Variants in NUDT3 observed in about 807,000 individuals in gnomAD.
The protein encoded by NUDT3 is diphosphoinositol polyphosphate phosphohydrolase 1.
NUDT3 carries 9 observed loss-of-function variants against 23.6 expected under a neutral mutation model. The observed-to-expected ratio is 0.38, with a 90% CI of 0.23 to 0.66. NUDT3 has a LOEUF of 0.66. NUDT3 is among the 30% of genes least tolerant of loss of function. The pLI is 0.52. For missense variants in NUDT3, 172 were observed against 218.5 expected (o/e 0.79, Z 1.34); for synonymous variants, 86 against 82.6 (o/e 1.04, Z -0.22).
At chr6:34,297,760 A>ATATT (rs1763535832) in intron 2 of NUDT3, among the ~76,000 whole-genome samples, 7 of 53,654 alleles carry the variant, frequency 1.3e-4, no homozygotes, top group African/African-American at 6.4e-4. Flanking sequence ...TATATATATA[A>ATATT]TTTTTTTTTT....
intron 1 of NUDT3, among the ~76,000 whole-genome samples, chr6:34,383,126 C>CA (rs557348971): frequency 0.023 from 1,488 of 64,576 alleles, 12 homozygotes; most frequent in African/African-American, 0.045. Context: ...GACTCCATCT[C>CA]AAAAAAAAAA....
intron 2 of NUDT3, among the ~76,000 whole-genome samples, chr6:34,320,519 G>A (rs761519459): frequency 6.6e-6 from 1 of 152,208 alleles, no homozygotes; most frequent in Middle Eastern, 3.4e-3. Flanking sequence ...ACTGCACCCA[G>A]CCTACTTTTC....
intron 2 of NUDT3, among the ~76,000 whole-genome samples, chr6:34,325,168 A>AC (rs1764005879): frequency 6.6e-6 from 1 of 152,214 alleles, no homozygotes; most frequent in Non-Finnish European, 1.5e-5. Flanking sequence ...AAACTGCCTC[A>AC]CACCACCTTC....
intron 1 of NUDT3, among the ~76,000 whole-genome samples, chr6:34,359,034 G>A (rs1329447835): frequency 1.3e-5 from 2 of 152,148 alleles, no homozygotes; most frequent in Non-Finnish European, 2.9e-5. Flanking sequence ...AAGATAAGGA[G>A]TTATCACAAT....
intron 1 of NUDT3, among the ~76,000 whole-genome samples, chr6:34,347,061 G>A (rs926143528): frequency 1.2e-4 from 19 of 152,246 alleles, no homozygotes; most frequent in African/African-American, 4.3e-4. Flanking sequence ...GAGCCACTGT[G>A]CCCACCCACA....
At chr6:34,345,441 A>G in intron 1 of NUDT3, among the ~76,000 whole-genome samples, 1 of 151,570 alleles carries the variant, frequency 6.6e-6, no homozygotes, top group East Asian at 2.0e-4. Flanking sequence ...AGGCGGGCAG[A>G]TCACAAGGTC....
At chr6:34,319,001 A>T (rs1404156248) in intron 2 of NUDT3, among the ~76,000 whole-genome samples, 1 of 151,770 alleles carries the variant, frequency 6.6e-6, no homozygotes, top group Non-Finnish European at 1.5e-5. Context: ...GCAAGAGAGG[A>T]GAGATAGGGC....
chr6:34,306,690 C>CT (rs1484560673), intron 2 of NUDT3, among the ~76,000 whole-genome samples: 1 of 152,230 alleles, frequency 6.6e-6, no homozygotes, highest in African/African-American at 2.4e-5. Flanking sequence ...ACTATATTCT[C>CT]TCTAACAGGG....
chr6:34,332,787 C>T (rs1192321690), intron 2 of NUDT3, among the ~76,000 whole-genome samples: 2 of 152,108 alleles, frequency 1.3e-5, no homozygotes, highest in Admixed American at 1.3e-4. Flanking sequence ...TAATTTTCTC[C>T]TCCTGTTTCT....
intron 4 of NUDT3, among the ~76,000 whole-genome samples, chr6:34,290,506 G>C (rs1415548715): frequency 6.7e-6 from 1 of 148,956 alleles, no homozygotes; most frequent in East Asian, 2.0e-4. Flanking sequence ...ACAGGCATGA[G>C]CCACCACACC....
At chr6:34,297,760 A>ATATATATATATATTTTTTTTTTT (rs1763535832) in intron 2 of NUDT3, among the ~76,000 whole-genome samples, 2 of 53,650 alleles carry the variant, frequency 3.7e-5, no homozygotes, top group Admixed American at 5.2e-4. Flanking sequence ...TATATATATA[A>ATATATATATATATTTTTTTTTTT]TTTTTTTTTT....
intron 1 of NUDT3, among the ~76,000 whole-genome samples, chr6:34,367,024 C>G (rs1163142804): frequency 2.0e-5 from 3 of 152,138 alleles, no homozygotes; most frequent in Admixed American, 1.3e-4. Flanking sequence ...TCCCAAGTAG[C>G]TGGGATTACA....
Position 34,353,440 on chromosome 6 carries a change from A to ATT in NUDT3, c.100-11470_100-11469dup, listed in dbSNP as rs11355875. ...ACTTACCTATACACAACTCCCAAGTATTTTTTTTTTTTTTTTTGAGACAAG... is the reference window on the plus strand; with the variant it reads ...ACTTACCTATACACAACTCCCAAGTATTTTTTTTTTTTTTTTTTTGAGACAAG... On this transcript the variant is annotated intron_variant, in intron 1 of 4. Coordinates refer to ENST00000607016, the MANE Select transcript of NUDT3 (RefSeq NM_006703.4). Among the ~76,000 whole-genome samples, 260 of 143,064 alleles carry ATT rather than the reference A, an allele frequency of 1.8e-3. 1 individual carries two copies. The highest frequency in any genetic ancestry group is 0.015 in the Middle Eastern group (4 of 270). 93.9% of individuals were successfully genotyped at this position (143,064 alleles called of 152,430 possible). A position where few individuals can be genotyped will look rare whatever the true frequency, so the allele number is the denominator to read the frequency against.
intron 1 of NUDT3, among the ~76,000 whole-genome samples, chr6:34,346,779 A>AAAAAGCATTCT (rs1459255450): frequency 5.3e-5 from 8 of 152,116 alleles, no homozygotes; most frequent in African/African-American, 1.9e-4. Flanking sequence ...TTGTAGAGAC[A>AAAAAGCATTCT]GGGTCTCATT....
chr6:34,381,423 T>C (rs1765015795), intron 1 of NUDT3, among the ~76,000 whole-genome samples: 1 of 151,934 alleles, frequency 6.6e-6, no homozygotes, highest in Admixed American at 6.6e-5. Context: ...CAATTACTTT[T>C]GTAACCAAAA....
intron 1 of NUDT3, among the ~76,000 whole-genome samples, chr6:34,364,762 G>A (rs558975111): frequency 5.9e-5 from 9 of 152,294 alleles, no homozygotes; most frequent in East Asian, 1.9e-4. Flanking sequence ...AGCTGGGTGC[G>A]GTGGCTCACA....
intron 1 of NUDT3, among the ~76,000 whole-genome samples, chr6:34,363,096 A>G (rs1022756229): frequency 3.9e-5 from 6 of 152,194 alleles, no homozygotes; most frequent in Admixed American, 2.6e-4. Flanking sequence ...TTAACGATTG[A>G]GCACAACACT....
At chr6:34,359,678 C>A (rs936288542) in intron 1 of NUDT3, among the ~76,000 whole-genome samples, 1 of 152,198 alleles carries the variant, frequency 6.6e-6, no homozygotes, top group Non-Finnish European at 1.5e-5. Context: ...CATTCATCTA[C>A]TGGTTAACAT....
At chr6:34,366,153 G>C (rs1227131839) in intron 1 of NUDT3, among the ~76,000 whole-genome samples, 1 of 150,992 alleles carries the variant, frequency 6.6e-6, no homozygotes, top group Non-Finnish European at 1.5e-5. Flanking sequence ...GATCACTTGA[G>C]CCCAGGAGTT....
Sources: gnomAD v4.1 joint callset for allele counts (sites outside exome capture counted in the v4.1 genomes callset) on GRCh38, gnomAD v4.1.1 for gene constraint, MANE v1.5 for transcripts, NCBI Gene and HGNC (gene_info 2026-07-23, HGNC 2026-07-21) for gene names.